Variants in IFT46 observed in about 807,000 individuals in gnomAD.
IFT46 encodes the protein intraflagellar transport 46, also known as intraflagellar transport protein 46 homolog.
A neutral mutation model predicts 39.6 loss-of-function variants in IFT46; 19 were observed. That is an observed-to-expected ratio of 0.48 (90% confidence interval 0.33 to 0.70). The LOEUF is 0.70. IFT46 is among the 30% of genes least tolerant of loss of function. IFT46 has a pLI of 0.01. For synonymous variants in IFT46, 117 were observed against 134.8 expected, an observed-to-expected ratio of 0.87 and a Z score of 0.91; for missense variants, 334 against 364.8, an observed-to-expected ratio of 0.92 and a Z score of 0.69.
At chr11:118,575,411 GGTGTGTGT>G (rs56934953), upstream of IFT46, among the ~76,000 whole-genome samples, 2 of 149,082 alleles carry the variant, frequency 1.3e-5, no homozygotes, top group Admixed American at 1.3e-4. Context: ...ACTGATAACG[GGTGTGTGT>G]GTGTGTGTGT....
At chr11:118,572,558 C>G (rs188303468) in intron 1 of IFT46, 2 of 1,609,100 alleles carry the variant, frequency 1.2e-6, no homozygotes, top group South Asian at 2.2e-5. Flanking sequence ...ATGGTAAGAT[C>G]CGAGCCAGGA....
chr11:118,575,974 G>GTTT (rs150069695), upstream of IFT46, among the ~76,000 whole-genome samples: 1 of 143,332 alleles, frequency 7.0e-6, no homozygotes, highest in African/African-American at 2.5e-5. Context: ...CACTGTAGTT[G>GTTT]TTTTTTTTTT....
chr11:118,575,555 TTCTC>T (rs1938476067), upstream of IFT46, among the ~76,000 whole-genome samples: 1 of 152,172 alleles, frequency 6.6e-6, no homozygotes, highest in Non-Finnish European at 1.5e-5. Context: ...TATTGTAATC[TTCTC>T]TCTGATTTTA....
At chr11:118,556,799 G>T in intron 4 of IFT46, 107 bp downstream of exon 4, 2 of 1,352,552 alleles carry the variant, frequency 1.5e-6, no homozygotes. Flanking sequence ...AAATACAGGA[G>T]ATCAAAAGAG....
intron 9 of IFT46, among the ~76,000 whole-genome samples, chr11:118,547,909 G>A (rs1231812518): frequency 6.6e-6 from 1 of 151,318 alleles, no homozygotes; most frequent in African/African-American, 2.4e-5. Flanking sequence ...ACAGCGCCCG[G>A]CTAATTTTTT....
chr11:118,558,632 C>G (rs1334767002), intron 3 of IFT46, among the ~76,000 whole-genome samples: 1 of 151,340 alleles, frequency 6.6e-6, no homozygotes, highest in Non-Finnish European at 1.5e-5. Flanking sequence ...ATGCAGCCAT[C>G]AGGCTGGGTA....
chr11:118,572,598 T>G, exon 1 of IFT46: 2 of 1,592,012 alleles, frequency 1.3e-6, no homozygotes, highest in Non-Finnish European at 1.7e-6. Flanking sequence ...AGCCTCACCG[T>G]CTCTCCTTGT....
At chr11:118,560,950 G>C in intron 2 of IFT46, 1 of 1,278,684 alleles carries the variant, frequency 7.8e-7, no homozygotes, top group Non-Finnish European at 1.1e-6. Context: ...AATGTGGTGT[G>C]AAGGTTGGCC....
chr11:118,554,278 G>A (rs1555068981), intron 7 of IFT46, among the ~76,000 whole-genome samples, 181 bp downstream of exon 7: 3 of 151,766 alleles, frequency 2.0e-5, no homozygotes, highest in African/African-American at 4.8e-5. Context: ...GGATGGTCTC[G>A]ATCTCCTGAC....
At chr11:118,549,652 G>A (rs1230272115) in intron 9 of IFT46, among the ~76,000 whole-genome samples, 3 of 151,450 alleles carry the variant, frequency 2.0e-5, no homozygotes, top group African/African-American at 7.3e-5. Flanking sequence ...AGCCTCCCGA[G>A]TAGCTGAGAC....
chr11:118,575,315 G>A (rs782623548), upstream of IFT46, among the ~76,000 whole-genome samples: 1 of 152,000 alleles, frequency 6.6e-6, no homozygotes, highest in Non-Finnish European at 1.5e-5. Context: ...TGTGTTTTGA[G>A]GGACAGCAAA....
At position 118,544,875 on chromosome 11, in the gene IFT46, A is replaced by C; in HGVS notation, c.*41T>G. 7.1e-7 allele frequency: 1 copy of C among 1,408,334 alleles called. No homozygotes were observed. The highest frequency in any genetic ancestry group is 1.2e-5 in the South Asian group (1 of 85,668). The allele number at this position is 1,408,334 out of a possible 1,614,324, so 87.2% of individuals were successfully genotyped here. A position where few individuals can be genotyped will look rare whatever the true frequency, so the allele number is the denominator to read the frequency against. On this transcript the variant is annotated 3_prime_UTR_variant, in exon 12 of 12. Transcript: ENST00000264021. ...GATCTGTCCATCTCAGCTGGGGCAG[A>C]GGGGCCAGCTCAGCCTTGAAACAGC...
At chr11:118,552,406 T>C (rs1591363485) in intron 7 of IFT46, 71 bp from the exon 8 acceptor site, 1 of 1,556,594 alleles carries the variant, frequency 6.4e-7, no homozygotes, top group South Asian at 1.2e-5. Context: ...TGTCTCATTA[T>C]ATCTGCTGCT....
chr11:118,573,212 C>T (rs192531900), upstream of IFT46, among the ~76,000 whole-genome samples: 257 of 152,236 alleles, frequency 1.7e-3, no homozygotes, highest in African/African-American at 6.0e-3. Flanking sequence ...GTGTAGACCA[C>T]TGGGAAAATG....
At chr11:118,552,026 G>A in intron 8 of IFT46, among the ~76,000 whole-genome samples, 174 bp from the exon 9 acceptor site, 1 of 152,154 alleles carries the variant, frequency 6.6e-6, no homozygotes, top group East Asian at 1.9e-4. Flanking sequence ...TTTGGAGGAG[G>A]TAGCTAAGTA....
chr11:118,573,903 A>T (rs116814359), upstream of IFT46: 29 of 467,622 alleles, frequency 6.2e-5, no homozygotes, highest in African/African-American at 5.4e-4. Context: ...TGATTTTGAA[A>T]CTCAGTTCCC....
chr11:118,555,137 A>C, intron 5 of IFT46, 54 bp from the exon 6 acceptor site: 1 of 1,543,964 alleles, frequency 6.5e-7, no homozygotes, highest in Non-Finnish European at 9.0e-7. Context: ...TTACTTTACT[A>C]TTCAGGCTAA....
chr11:118,570,073 C>T (rs956121610), upstream of IFT46, among the ~76,000 whole-genome samples: 7 of 116,492 alleles, frequency 6.0e-5, no homozygotes, highest in Admixed American at 3.1e-4. Flanking sequence ...TTTTTTGAGA[C>T]GGAGTCTCCC....
At chr11:118,562,255 C>T (rs547566914) in intron 2 of IFT46, among the ~76,000 whole-genome samples, 97 of 149,594 alleles carry the variant, frequency 6.5e-4, no homozygotes, top group Non-Finnish European at 1.2e-3. Flanking sequence ...CCAGCCTGGG[C>T]GACAGAGCAA....
Sources: gnomAD v4.1 joint callset for allele counts (sites outside exome capture counted in the v4.1 genomes callset) on GRCh38, gnomAD v4.1.1 for gene constraint, MANE v1.5 for transcripts, NCBI Gene and HGNC (gene_info 2026-07-23, HGNC 2026-07-21) for gene names.